Variants in TRPC7 observed in about 807,000 individuals in gnomAD.
The protein encoded by TRPC7 is short transient receptor potential channel 7.
A neutral mutation model predicts 90.1 loss-of-function variants in TRPC7; 42 were observed. The observed-to-expected ratio is 0.47, with a 90% CI of 0.36 to 0.60. The LOEUF is 0.60. TRPC7 is among the 20% of genes least tolerant of loss of function. TRPC7 has a pLI of 0.00. For missense variants in TRPC7, 955 were observed against 1,112.3 expected (o/e 0.86, Z 2.01); for synonymous variants, 451 against 436.3 (o/e 1.03, Z -0.42).
chr5:136,255,144 A>C (rs1229653483), intron 5 of TRPC7, among the ~76,000 whole-genome samples: 1 of 152,224 alleles, frequency 6.6e-6, no homozygotes, highest in Non-Finnish European at 1.5e-5. Context: ...AATGATGACA[A>C]AGGATTTAAA....
intron 2 of TRPC7, among the ~76,000 whole-genome samples, chr5:136,327,674 G>A (rs1759382737): frequency 6.6e-6 from 1 of 152,210 alleles, no homozygotes; most frequent in Admixed American, 6.5e-5. Context: ...CCCACGGTGA[G>A]GACCCATAGA....
intron 6 of TRPC7, among the ~76,000 whole-genome samples, chr5:136,250,671 A>G (rs1756490154): frequency 1.3e-5 from 2 of 152,204 alleles, no homozygotes; most frequent in Non-Finnish European, 2.9e-5. Context: ...AGCAGAGTGC[A>G]AAGCGCTTCA....
Position 136,274,746 on chromosome 5 carries a change from A to G in TRPC7, c.1055T>C (p.Phe352Ser), listed in dbSNP as rs778169592. Residue 352 changes from phenylalanine to serine, a missense_variant, in exon 4 of 12, where the codon TTC becomes TCC. Coordinates refer to ENST00000513104, the MANE Select transcript of TRPC7 (RefSeq NM_020389.3). ...GLRQQSIAVK[F>S]LAVFGVSIGL... ...TATGGAGACTCCAAAGACAGCCAGG[A>G]ATTTCACAGCGATAGACTGTTGACG... 8.1e-6 allele frequency: 13 copies of G among 1,612,300 alleles called. No individual in the cohort carries two copies. The highest frequency in any genetic ancestry group is 1.1e-5 in the Non-Finnish European group (13 of 1,179,308).
At chr5:136,262,656 T>C (rs1235294734) in intron 5 of TRPC7, among the ~76,000 whole-genome samples, 2 of 152,232 alleles carry the variant, frequency 1.3e-5, no homozygotes, top group African/African-American at 2.4e-5. Context: ...AGTGTTCTGA[T>C]TTCTGTTACT....
intron 3 of TRPC7, among the ~76,000 whole-genome samples, chr5:136,280,211 G>C (rs1387183893): frequency 6.6e-6 from 1 of 152,032 alleles, no homozygotes; most frequent in East Asian, 1.9e-4. Flanking sequence ...CTACCTCCAA[G>C]TCCCACCAAG....
intron 2 of TRPC7, among the ~76,000 whole-genome samples, chr5:136,327,145 T>C (rs1759368804): frequency 6.6e-6 from 1 of 152,168 alleles, no homozygotes; most frequent in Admixed American, 6.5e-5. Context: ...CGTGTTGGAA[T>C]GATGACCTGT....
intron 3 of TRPC7, among the ~76,000 whole-genome samples, chr5:136,294,558 A>G (rs1214850297): frequency 2.0e-5 from 3 of 152,144 alleles, no homozygotes; most frequent in Non-Finnish European, 4.4e-5. Flanking sequence ...ATCCCTGGCC[A>G]TCAGAAAAAT....
chr5:136,266,554 T>G, intron 4 of TRPC7, 118 bp from the exon 5 acceptor site: 1 of 890,258 alleles, frequency 1.1e-6, no homozygotes, highest in South Asian at 1.8e-5. Context: ...GGACAGAAAC[T>G]GCTAACTGAA....
chr5:136,326,295 C>T (rs1477800806), intron 2 of TRPC7, among the ~76,000 whole-genome samples: 1 of 152,124 alleles, frequency 6.6e-6, no homozygotes. Flanking sequence ...TTGTCAAGAC[C>T]CTCCACCACT....
intron 5 of TRPC7, among the ~76,000 whole-genome samples, chr5:136,257,150 C>T (rs1756711501): frequency 6.6e-6 from 1 of 151,988 alleles, no homozygotes; most frequent in South Asian, 2.1e-4. Flanking sequence ...TTGAAAATGG[C>T]CCATGAAATA....
chr5:136,357,259 C>G lies in TRPC7; in HGVS notation c.129G>C (p.Glu43Asp). 6.2e-7 allele frequency: 1 copy of G among 1,613,622 alleles called. No homozygotes were observed. Among genetic ancestry groups the G allele is most frequent in the Non-Finnish European group, 8.5e-7 (1 of 1,179,940 alleles). Residue 43 changes from glutamate to aspartate, a missense_variant, in exon 2 of 12, where the codon GAG becomes GAC. Glu to Asp is a conservative substitution (Grantham distance 45). This residue lies in a region of TRPC7 where 161 missense variants were observed against 145.7 expected (regional missense o/e 1.10). Transcript: ENST00000513104. ...FNEKGTSLTP[E>D]EERFLDSAEY... ...CAGCCGAGTCCAGGAAGCGCTCCTC[C>G]TCGGGCGTCAGACTGGTGCCCTTCT...
chr5:136,233,167 A>G (rs1281818215), intron 7 of TRPC7, among the ~76,000 whole-genome samples: 1 of 152,158 alleles, frequency 6.6e-6, no homozygotes, highest in Non-Finnish European at 1.5e-5. Context: ...TGAAAAACTG[A>G]TATTTGAAGT....
At chr5:136,344,685 A>T (rs904309884) in intron 2 of TRPC7, among the ~76,000 whole-genome samples, 3 of 152,156 alleles carry the variant, frequency 2.0e-5, no homozygotes, top group Non-Finnish European at 4.4e-5. Flanking sequence ...TGTTCACTGA[A>T]CCTAGCCATG....
chr5:136,250,877 T>C (rs1379366009), intron 6 of TRPC7, among the ~76,000 whole-genome samples: 1 of 152,220 alleles, frequency 6.6e-6, no homozygotes, highest in East Asian at 1.9e-4. Context: ...TTCAGCATGA[T>C]TTTCAAATCA....
chr5:136,251,810 A>G lies in TRPC7; in HGVS notation c.1418T>C (p.Leu473Pro). The G allele has an allele frequency of 6.2e-7, 1 of 1,614,036 alleles. No individual in the cohort carries two copies. The part of the protein sequence containing the change: ...PREYVLHLWN[L>P]LDFGMLSIFV... ...GATGGACAGCATCCCGAAATCTAGC[A>G]GGTTCCACAAGTGCAGCACGTACTC... The change falls in exon 6 of 12, where the codon CTG becomes CCG. Residue 473 changes from leucine to proline, a missense_variant. This residue lies in a region of TRPC7 where 484 missense variants were observed against 509.6 expected (regional missense o/e 0.95). Transcript: ENST00000513104.
chr5:136,324,670 A>G (rs1331555283), intron 2 of TRPC7, among the ~76,000 whole-genome samples: 1 of 152,210 alleles, frequency 6.6e-6, no homozygotes, highest in African/African-American at 2.4e-5. Context: ...CATTGTTTTG[A>G]TAACATCAAT....
chr5:136,259,712 G>A (rs951745868), intron 5 of TRPC7, among the ~76,000 whole-genome samples: 31 of 152,186 alleles, frequency 2.0e-4, no homozygotes, highest in African/African-American at 6.8e-4. Flanking sequence ...AGATTCCTAT[G>A]GTATGTGTGG....
Position 136,231,435 on chromosome 5 carries a change from G to A in TRPC7, c.1959C>T (p.Tyr653=), listed in dbSNP as rs775960274. ...KFIENIGYVL[Y]GVYNVTMVVV... ...CCACCATGGTGACGTTATAAACGCC[G>A]TAGAGAACGTAGCCAATGTTCTCGA... is the stretch of plus-strand genomic sequence containing the variant. The change falls in exon 8 of 12, where the codon TAC becomes TAT. Residue 653 remains tyrosine (Y), a synonymous_variant. Transcript: ENST00000513104. 32 of 1,612,686 alleles carry A rather than the reference G, an allele frequency of 2.0e-5. No homozygotes were observed. Among genetic ancestry groups the A allele is most frequent in the East Asian group, 8.9e-5 (4 of 44,864 alleles).
At chr5:136,295,947 A>C (rs1758154548) in intron 3 of TRPC7, among the ~76,000 whole-genome samples, 1 of 152,234 alleles carries the variant, frequency 6.6e-6, no homozygotes, top group Admixed American at 6.5e-5. Flanking sequence ...TACGCCATCA[A>C]ACCTTACCAC....
Sources: allele counts gnomAD v4.1 joint callset (sites outside exome capture counted in the v4.1 genomes callset), GRCh38; gene constraint gnomAD v4.1.1; regional missense constraint gnomAD v4.1.1; transcripts MANE v1.5; gene names NCBI Gene and HGNC (gene_info 2026-07-23, HGNC 2026-07-21).